Variants in ORC3 observed in about 807,000 individuals in gnomAD.
ORC3 encodes the protein homolog of latheo, Drosophila.
Under a neutral mutation model 100.7 loss-of-function variants are expected in ORC3, and 78 were observed. The observed-to-expected ratio is 0.77, with a 90% confidence interval of 0.65 to 0.94. The LOEUF (loss-of-function observed/expected upper bound fraction) is 0.94, where lower values mean the gene tolerates loss of function less well. Among genes scored for constraint, ORC3 ranks in the 40% least tolerant of loss-of-function variants. The pLI is 0.00. For synonymous variants in ORC3, 295 were observed against 289.3 expected (o/e 1.02, Z -0.20); for missense variants, 789 against 823.9 (o/e 0.96, Z 0.52).
chr6:87,654,474 A>G (rs923060274), intron 14 of ORC3, among the ~76,000 whole-genome samples: 3 of 152,220 alleles, frequency 2.0e-5, no homozygotes, highest in Non-Finnish European at 4.4e-5. Context: ...CATTAAGATC[A>G]TTGAGTTCAG....
At chr6:87,648,668 T>TATTGATACAA (rs55767978) in intron 13 of ORC3, among the ~76,000 whole-genome samples, 8,680 of 152,270 alleles carry the variant, frequency 0.057, 289 homozygotes, top group African/African-American at 0.096. Context: ...ATAATAGTAT[T>TATTGATACAA]TACATTGTAT....
At chr6:87,594,272 T>A (rs1777260816) in intron 1 of ORC3, 81 bp from the exon 2 acceptor site, 4 of 955,346 alleles carry the variant, frequency 4.2e-6, no homozygotes, top group Non-Finnish European at 6.4e-6. Context: ...AAAAAGTGCT[T>A]ACCCATAAAA....
chr6:87,676,267 A>G, the ORC3 span, among the ~76,000 whole-genome samples: 5 of 151,026 alleles, frequency 3.3e-5, no homozygotes, highest in Non-Finnish European at 7.4e-5. Context: ...GATCGAGACC[A>G]TCCTGGCTAA....
intron 2 of ORC3, 45 bp from the exon 3 acceptor site, chr6:87,601,734 TTATAC>T: frequency 3.7e-6 from 4 of 1,075,400 alleles, no homozygotes; most frequent in Non-Finnish European, 5.7e-6. Flanking sequence ...GATCTATAAC[TTATAC>T]TATTATATGA....
intron 2 of ORC3, 55 bp from the exon 3 acceptor site, chr6:87,601,729 A>T: frequency 9.4e-7 from 1 of 1,061,994 alleles, no homozygotes; most frequent in Non-Finnish European, 1.4e-6. Flanking sequence ...CGTAAGATCT[A>T]TAACTTATAC....
chr6:87,606,598 A>G (rs908500187), intron 5 of ORC3, among the ~76,000 whole-genome samples: 10 of 151,692 alleles, frequency 6.6e-5, no homozygotes, highest in African/African-American at 2.4e-4. Context: ...TAGCATGATC[A>G]TAGCTCAGTG....
intron 4 of ORC3, among the ~76,000 whole-genome samples, chr6:87,604,850 G>GA (rs996346553): frequency 2.8e-3 from 418 of 147,818 alleles, no homozygotes; most frequent in African/African-American, 7.3e-3. Context: ...GGCTCTCCTA[G>GA]AAAAAAAAAA....
intron 7 of ORC3, among the ~76,000 whole-genome samples, chr6:87,610,023 T>A (rs890294126): frequency 6.6e-6 from 1 of 152,194 alleles, no homozygotes; most frequent in Non-Finnish European, 1.5e-5. Flanking sequence ...TTCAAAGCAA[T>A]CATGTGAGAC....
In ORC3 at chr6:87,667,433, C is replaced by T. The variant is rs1468754187; in HGVS notation, c.*310C>T. The T allele has an allele frequency of 1.8e-5, 4 of 225,526 alleles. No individual in the cohort carries two copies. Among genetic ancestry groups the T allele is most frequent in the East Asian group, 9.7e-5 (1 of 10,346 alleles). 14.0% of individuals were successfully genotyped at this position (225,526 alleles called of 1,614,324 possible). On this transcript the variant is annotated 3_prime_UTR_variant, in exon 20 of 20. Coordinates refer to ENST00000392844, the MANE Select transcript of ORC3 (RefSeq NM_012381.4). Reference sequence around the variant, plus strand: ...TAGAGTATGTAAATGTAATAAATTCCGTTATCCAGGAGTATAAATTATTTG... The same window carrying T: ...TAGAGTATGTAAATGTAATAAATTCTGTTATCCAGGAGTATAAATTATTTG...
intron 10 of ORC3, 46 bp downstream of exon 10, chr6:87,621,533 G>T (rs752336852): frequency 2.2e-6 from 3 of 1,352,350 alleles, no homozygotes; most frequent in Non-Finnish European, 3.0e-6. Context: ...CTAGAATTTG[G>T]TACTAAATAA....
chr6:87,615,354 C>A (rs1209948097), intron 8 of ORC3, among the ~76,000 whole-genome samples: 1 of 152,130 alleles, frequency 6.6e-6, no homozygotes. Context: ...TATCATTGAC[C>A]TTCCCCAAAT....
intron 11 of ORC3, among the ~76,000 whole-genome samples, chr6:87,627,705 A>T (rs9444528): frequency 4.9e-4 from 75 of 152,306 alleles, no homozygotes; most frequent in African/African-American, 1.7e-3. Context: ...AGTTGTATAG[A>T]CATGCCTACC....
In ORC3 at chr6:87,656,981, A is replaced by AGGTC. The variant is rs776307464; in HGVS notation, c.1593_1593+3dup. ...AAGACAGACCTCTATCATCTTCAGA[A>AGGTC]GGTCAGGTCACTCTCTTCCCTTCCA... On this transcript the variant is annotated frameshift_variant and splice_region_variant, in exon 15 of 20. Coordinates refer to ENST00000392844, the MANE Select transcript of ORC3 (RefSeq NM_012381.4). LOFTEE classifies it high-confidence loss of function. The AGGTC allele has an allele frequency of 8.1e-6, 13 of 1,599,702 alleles. No individual in the cohort carries two copies. In the African/African-American group the frequency reaches 1.5e-4, roughly 18 times the overall value.
At chr6:87,607,572 A>G in intron 5 of ORC3, 101 bp from the exon 6 acceptor site, 1 of 745,712 alleles carries the variant, frequency 1.3e-6, no homozygotes, top group Non-Finnish European at 1.9e-6. Flanking sequence ...AACACATTCT[A>G]CCAAAAAAAA....
chr6:87,673,664 A>G, the ORC3 span, among the ~76,000 whole-genome samples: 37 of 152,088 alleles, frequency 2.4e-4, 1 homozygote, highest in South Asian at 7.7e-3. Context: ...AACATGGTGA[A>G]ACCCCGTCTC....
At chr6:87,637,488 A>G (rs1340591088) in intron 13 of ORC3, among the ~76,000 whole-genome samples, 1 of 152,118 alleles carries the variant, frequency 6.6e-6, no homozygotes, top group African/African-American at 2.4e-5. Flanking sequence ...TTTTTTACCC[A>G]TAAGGAAACC....
chr6:87,676,867 G>A, the ORC3 span, among the ~76,000 whole-genome samples: 3 of 150,646 alleles, frequency 2.0e-5, no homozygotes, highest in Admixed American at 1.3e-4. Context: ...ACGAGGTCAG[G>A]AGATCGAGAC....
intron 1 of ORC3, among the ~76,000 whole-genome samples, chr6:87,592,672 G>A (rs748510986): frequency 1.3e-5 from 2 of 152,110 alleles, no homozygotes; most frequent in Admixed American, 6.5e-5. Flanking sequence ...TCTTAAATGG[G>A]AACATGTAAT....
In ORC3 at chr6:87,612,150, A is replaced by G; in HGVS notation, c.775A>G (p.Ile259Val). 6.2e-7 allele frequency: 1 copy of G among 1,613,748 alleles called. No homozygotes were observed. Residue 259 changes from isoleucine (I) to valine (V), a missense_variant, in exon 8 of 20, where the codon ATC (isoleucine) becomes GTC (valine). Physicochemically the swap from Ile to Val is conservative, Grantham distance 29. Coordinates refer to ENST00000392844, the MANE Select transcript of ORC3 (RefSeq NM_012381.4). ...IFGIATSPII[I>V]HRLLPHAVSS... ...TGGAATAGCCACATCTCCTATTATC[A>G]TCCACCGATTGCTTCCTCATGCAGT...
Sources: gnomAD v4.1 joint callset for allele counts (sites outside exome capture counted in the v4.1 genomes callset) on GRCh38, gnomAD v4.1.1 for gene constraint, MANE v1.5 for transcripts, NCBI Gene and HGNC (gene_info 2026-07-23, HGNC 2026-07-21) for gene names.